CAST: variants seen among roughly 807,000 people sequenced by gnomAD.
CAST encodes calpastatin.
In CAST, 76 loss-of-function variants were observed where a neutral mutation model predicts 119.6. That is an observed-to-expected ratio of 0.64 (90% CI 0.53 to 0.77). CAST has a LOEUF of 0.77. CAST is among the 30% of genes least tolerant of loss of function. CAST has a pLI of 0.00. For synonymous variants in CAST, 319 were observed against 331.6 expected (o/e 0.96, Z 0.41); for missense variants, 953 against 946.5 (o/e 1.01, Z -0.09).
intron 2 of CAST, among the ~76,000 whole-genome samples, chr5:96,693,669 T>C (rs915562301): frequency 6.6e-5 from 10 of 152,230 alleles, no homozygotes; most frequent in Non-Finnish European, 1.2e-4. Context: ...TGTCTTTATG[T>C]CTTACGTCCA....
chr5:96,700,728 G>A (rs1303823591), intron 3 of CAST, among the ~76,000 whole-genome samples: 1 of 152,082 alleles, frequency 6.6e-6, no homozygotes, highest in African/African-American at 2.4e-5. Context: ...GCCGGGGTGG[G>A]GGAAGAGCCC....
chr5:96,164,705 CGTGCAGAGAGAAAAA>C, the CAST span, among the ~76,000 whole-genome samples: 6 of 152,242 alleles, frequency 3.9e-5, no homozygotes, highest in East Asian at 1.9e-4. Flanking sequence ...AGAAGGGAAG[CGTGCAGAGAGAAAAA>C]GTGCAGAGAA....
intron 1 of CAST, among the ~76,000 whole-genome samples, chr5:96,561,011 A>G (rs981741575): frequency 6.6e-6 from 1 of 152,222 alleles, no homozygotes; most frequent in African/African-American, 2.4e-5. Context: ...ACCATGGAAT[A>G]CTATGCAGCC....
At chr5:96,647,630 A>G (rs185190472) in intron 1 of CAST, among the ~76,000 whole-genome samples, 4 of 152,302 alleles carry the variant, frequency 2.6e-5, no homozygotes, top group African/African-American at 7.2e-5. Flanking sequence ...ACGTAATCCA[A>G]TATGACAGAT....
the CAST span, among the ~76,000 whole-genome samples, chr5:96,116,706 A>G: frequency 6.6e-6 from 1 of 152,186 alleles, no homozygotes; most frequent in Non-Finnish European, 1.5e-5. Flanking sequence ...GTTTATTTGC[A>G]TATCATCATT....
At chr5:96,476,936 A>AAG in the CAST span, among the ~76,000 whole-genome samples, 1 of 151,836 alleles carries the variant, frequency 6.6e-6, no homozygotes, top group East Asian at 1.9e-4. Context: ...GCAAAAAAAA[A>AAG]AAAAAAAATA....
the CAST span, chr5:96,423,273 C>G: frequency 1.3e-6 from 2 of 1,579,342 alleles, no homozygotes; most frequent in Non-Finnish European, 1.7e-6. Flanking sequence ...TCTGCACAGA[C>G]AGCTCCCTAA....
At chr5:95,993,136 T>C in the CAST span, among the ~76,000 whole-genome samples, 1 of 152,158 alleles carries the variant, frequency 6.6e-6, no homozygotes, top group Non-Finnish European at 1.5e-5. Flanking sequence ...GATCAACTGA[T>C]TTTCAGCAAA....
chr5:96,485,421 A>G, the CAST span, among the ~76,000 whole-genome samples: 1 of 152,186 alleles, frequency 6.6e-6, no homozygotes, highest in Non-Finnish European at 1.5e-5. Context: ...TGCTAACATA[A>G]TCAGCTTGCA....
At chr5:96,515,182 C>G in the CAST span, among the ~76,000 whole-genome samples, 1 of 152,032 alleles carries the variant, frequency 6.6e-6, no homozygotes. Flanking sequence ...AAACCCAGGA[C>G]AATTTGCCCA....
At chr5:96,722,213 G>A (rs1758407943) in intron 3 of CAST, among the ~76,000 whole-genome samples, 1 of 152,188 alleles carries the variant, frequency 6.6e-6, no homozygotes, top group South Asian at 2.1e-4. Context: ...GTAACTGACA[G>A]AGCTGGGGCT....
At chr5:96,293,136 C>T in the CAST span, among the ~76,000 whole-genome samples, 1 of 152,096 alleles carries the variant, frequency 6.6e-6, no homozygotes, top group Non-Finnish European at 1.5e-5. Flanking sequence ...ATGAATGGTG[C>T]CAGCTCCTCC....
the CAST span, among the ~76,000 whole-genome samples, chr5:96,111,231 A>G: frequency 6.6e-6 from 1 of 152,224 alleles, no homozygotes; most frequent in Non-Finnish European, 1.5e-5. Context: ...AATGAACAGT[A>G]TGACAGTCAG....
At chr5:96,155,016 G>A in the CAST span, among the ~76,000 whole-genome samples, 10 of 152,312 alleles carry the variant, frequency 6.6e-5, no homozygotes, top group African/African-American at 2.2e-4. Context: ...ACTTATGTAA[G>A]TTATTCCAAA....
At chr5:96,162,242 A>G in the CAST span, among the ~76,000 whole-genome samples, 5 of 152,222 alleles carry the variant, frequency 3.3e-5, no homozygotes, top group Non-Finnish European at 7.3e-5. Flanking sequence ...GATATTAGCT[A>G]TAGGTTTTTC....
At chr5:96,049,223 G>A in the CAST span, among the ~76,000 whole-genome samples, 1 of 152,098 alleles carries the variant, frequency 6.6e-6, no homozygotes, top group Non-Finnish European at 1.5e-5. Flanking sequence ...CAATAAACAT[G>A]ATTTTAAAAA....
chr5:96,416,350 G>A, the CAST span, among the ~76,000 whole-genome samples: 1 of 152,172 alleles, frequency 6.6e-6, no homozygotes, highest in Non-Finnish European at 1.5e-5. Context: ...TTCACTAAGG[G>A]TGTGACCTTG....
intron 1 of CAST, among the ~76,000 whole-genome samples, chr5:96,541,003 C>T (rs1745902335): frequency 1.4e-5 from 2 of 147,250 alleles, no homozygotes; most frequent in South Asian, 4.1e-4. Flanking sequence ...TACCCTTTTT[C>T]CCCCTTTCCC....
At chr5:96,427,751 T>C in the CAST span, among the ~76,000 whole-genome samples, 1 of 152,330 alleles carries the variant, frequency 6.6e-6, no homozygotes, top group East Asian at 1.9e-4. Flanking sequence ...TTGAGTTCTA[T>C]GTGCATTAAT....
Sources: gnomAD v4.1 joint callset for allele counts (sites outside exome capture counted in the v4.1 genomes callset) on GRCh38, gnomAD v4.1.1 for gene constraint, MANE v1.5 for transcripts, NCBI Gene and HGNC (gene_info 2026-07-23, HGNC 2026-07-21) for gene names.